Variants in NUP160 observed in about 807,000 individuals in gnomAD.
NUP160 encodes the protein nuclear pore complex protein Nup160.
A neutral mutation model predicts 196.9 loss-of-function variants in NUP160; 94 were observed. The observed-to-expected ratio is 0.48, with a 90% CI of 0.40 to 0.57. The LOEUF is 0.57. Among genes scored for constraint, NUP160 ranks in the 20% least tolerant of loss-of-function variants. The pLI is 0.00. For synonymous variants in NUP160, 605 were observed against 619.7 expected (o/e 0.98, Z 0.35); for missense variants, 1,638 against 1,748.3 (o/e 0.94, Z 1.13).
At chr11:47,845,785 C>T (rs909463964) in intron 2 of NUP160, among the ~76,000 whole-genome samples, 1 of 152,180 alleles carries the variant, frequency 6.6e-6, no homozygotes, top group African/African-American at 2.4e-5. Flanking sequence ...ATCCTCCCAC[C>T]TCAGCCTCCT....
At chr11:47,803,357 T>TA (rs1300693145) in intron 22 of NUP160, 81 bp downstream of exon 22, 4 of 847,264 alleles carry the variant, frequency 4.7e-6, no homozygotes, top group Non-Finnish European at 8.1e-6. Flanking sequence ...TCCCATCCCC[T>TA]AAAACCTAGT....
chr11:47,827,504 A>G (rs1439556895), intron 7 of NUP160, among the ~76,000 whole-genome samples: 1 of 152,168 alleles, frequency 6.6e-6, no homozygotes, highest in East Asian at 1.9e-4. Context: ...GCAAAGATGC[A>G]TAGCATGGCC....
intron 27 of NUP160, 52 bp downstream of exon 27, chr11:47,797,727 T>C (rs905918967): frequency 1.6e-5 from 21 of 1,288,252 alleles, no homozygotes; most frequent in Non-Finnish European, 2.3e-5. Flanking sequence ...TGGTAAAACA[T>C]GATTAAACTA....
At chr11:47,800,679 C>T (rs548825905) in intron 23 of NUP160, among the ~76,000 whole-genome samples, 2 of 152,194 alleles carry the variant, frequency 1.3e-5, no homozygotes, top group Admixed American at 6.6e-5. Context: ...TGTGAGCCAT[C>T]GCGTCCGGCC....
intron 23 of NUP160, among the ~76,000 whole-genome samples, chr11:47,798,994 A>G (rs2097672555): frequency 6.6e-6 from 1 of 151,932 alleles, no homozygotes; most frequent in African/African-American, 2.4e-5. Flanking sequence ...ATACGATTTC[A>G]CTACTAACTG....
intron 7 of NUP160, chr11:47,827,153 A>G: frequency 6.6e-6 from 3 of 455,716 alleles, no homozygotes; most frequent in South Asian, 4.6e-5. Flanking sequence ...GACTGCTTGA[A>G]CTCAGGAGTT....
intron 34 of NUP160, among the ~76,000 whole-genome samples, chr11:47,781,678 TA>T (rs2097660930): frequency 6.6e-6 from 1 of 152,126 alleles, no homozygotes; most frequent in African/African-American, 2.4e-5. Context: ...CCTCATGGGT[TA>T]AAAAATAGAA....
chr11:47,812,288 G>T lies in NUP160; in HGVS notation c.2080+14C>A. ...TTTTAATCAAAGAGGCACATTTGTT[G>T]TTCTGTCATTTACCTGGATTGAATC... On this transcript the variant is annotated intron_variant, in intron 16 of 35. Transcript: ENST00000378460. 1 of 1,613,752 alleles carries T rather than the reference G, an allele frequency of 6.2e-7. No individual in the cohort carries two copies.
At chr11:47,848,390 G>T in exon 1 of NUP160, 1 of 1,602,930 alleles carries the variant, frequency 6.2e-7, no homozygotes, top group Non-Finnish European at 8.5e-7. Flanking sequence ...TCCGGGGGTG[G>T]GGCGGGCGGA....
At chr11:47,806,068 C>G in intron 20 of NUP160, 85 bp downstream of exon 20, 1 of 1,296,628 alleles carries the variant, frequency 7.7e-7, no homozygotes, top group Admixed American at 1.9e-5. Flanking sequence ...CCTGCCTCCA[C>G]CTCCCAAAGT....
chr11:47,786,476 AGAT>A, exon 32 of NUP160: 1 of 1,613,802 alleles, frequency 6.2e-7, no homozygotes, highest in Non-Finnish European at 8.5e-7. Context: ...TAGTGATGAC[AGAT>A]GAGAGCTGAT....
chr11:47,841,926 C>T (rs538075005), intron 2 of NUP160, among the ~76,000 whole-genome samples: 1 of 151,822 alleles, frequency 6.6e-6, no homozygotes, highest in South Asian at 2.1e-4. Flanking sequence ...TGGCCTCAAG[C>T]CTCCCAAAGT....
rs773638303 is a variant in NUP160 at position 47,840,010 on chromosome 11, TCA to T, written c.579_580del (p.Asp194PhefsTer19). 1 of 1,614,054 alleles carries T rather than the reference TCA, an allele frequency of 6.2e-7. No individual in the cohort carries two copies. Among genetic ancestry groups the T allele is most frequent in the African/African-American group, 1.3e-5 (1 of 74,928 alleles). On this transcript the variant is annotated frameshift_variant, in exon 4 of 36. Transcript: ENST00000378460. LOFTEE classifies it high-confidence loss of function. Reference sequence around the variant, plus strand: ...CTGATAGTTGCAAGGATCTGTGAAATCAACTTTTCCAATGTCAGTGAATATTG... The same window carrying T: ...CTGATAGTTGCAAGGATCTGTGAAATACTTTTCCAATGTCAGTGAATATTG...
At chr11:47,824,062 C>T (rs1280886267) in intron 7 of NUP160, among the ~76,000 whole-genome samples, 58 of 124,140 alleles carry the variant, frequency 4.7e-4, no homozygotes, top group Admixed American at 4.0e-3. Context: ...TACACACACA[C>T]ATAGAAGTGG....
chr11:47,786,160 C>T (rs1599304263), intron 32 of NUP160, among the ~76,000 whole-genome samples: 1 of 151,990 alleles, frequency 6.6e-6, no homozygotes, highest in East Asian at 1.9e-4. Context: ...GATAACACTC[C>T]GAAACAAGTA....
At chr11:47,831,933 C>T (rs745310871) in intron 7 of NUP160, among the ~76,000 whole-genome samples, 2 of 114,466 alleles carry the variant, frequency 1.7e-5, no homozygotes, top group African/African-American at 3.6e-5. Flanking sequence ...GACAGAATCT[C>T]GGTCTGTCAC....
chr11:47,815,890 A>G, intron 12 of NUP160, 56 bp downstream of exon 12: 1 of 1,343,046 alleles, frequency 7.4e-7, no homozygotes. Context: ...GTCAGTACCA[A>G]TCTGCCCTAT....
intron 7 of NUP160, among the ~76,000 whole-genome samples, chr11:47,833,199 A>G (rs1012457292): frequency 6.6e-6 from 1 of 152,188 alleles, no homozygotes; most frequent in Non-Finnish European, 1.5e-5. Context: ...CACACCTGTA[A>G]TCCCAGCACT....
At chr11:47,831,086 C>A (rs1167269652) in intron 7 of NUP160, among the ~76,000 whole-genome samples, 2 of 152,044 alleles carry the variant, frequency 1.3e-5, no homozygotes, top group African/African-American at 4.8e-5. Context: ...TCGCTTGAAC[C>A]TGGGAGGCGG....
Sources: allele counts gnomAD v4.1 joint callset (sites outside exome capture counted in the v4.1 genomes callset), GRCh38; gene constraint gnomAD v4.1.1; transcripts MANE v1.5; gene names NCBI Gene and HGNC (gene_info 2026-07-23, HGNC 2026-07-21).